COL23A1: variants seen among roughly 807,000 people sequenced by gnomAD.
COL23A1 encodes collagen type XXIII alpha 1 chain.
A neutral mutation model predicts 99.3 loss-of-function variants in COL23A1; 97 were observed. That is an observed-to-expected ratio of 0.98 (90% CI 0.83 to 1.16). The LOEUF is 1.16. Ranked by LOEUF, COL23A1 falls within the 50% of genes most tolerant of loss-of-function variation. COL23A1 has a pLI of 0.00. For synonymous variants in COL23A1, 320 were observed against 308.2 expected (o/e 1.04, Z -0.40); for missense variants, 762 against 757.4 (o/e 1.01, Z -0.07).
At position 178,406,034 on chromosome 5, in the gene COL23A1, C is replaced by T. The variant is rs532258123; in HGVS notation, c.362-99115G>A. ...AGGAGAATCCCTTGAACCTGGGAGG[C>T]GGAGGCTGCAGTGAGCTGAGATTGC... On this transcript the variant is annotated intron_variant, in intron 2 of 28. Coordinates refer to ENST00000390654, the MANE Select transcript of COL23A1 (RefSeq NM_173465.4). Among the ~76,000 whole-genome samples the T allele has an allele frequency of 4.6e-5, 7 of 152,192 alleles. No individual in the cohort carries two copies. The South Asian group carries it at 8.3e-4, about 18-fold the overall frequency.
At chr5:178,379,070 T>C (rs1031161390) in intron 2 of COL23A1, among the ~76,000 whole-genome samples, 32 of 152,182 alleles carry the variant, frequency 2.1e-4, no homozygotes, top group African/African-American at 6.5e-4. Flanking sequence ...TGTCTGGTTA[T>C]GGGAGCTGCC....
chr5:178,532,372 C>T (rs72810612), intron 2 of COL23A1, among the ~76,000 whole-genome samples: 1 of 152,262 alleles, frequency 6.6e-6, no homozygotes, highest in Non-Finnish European at 1.5e-5. Context: ...AAGGGAGCAG[C>T]AGAACTGTCC....
In COL23A1 at chr5:178,544,351, C is replaced by A. The variant is rs535858; in HGVS notation, c.361+16331G>T. 0.2 allele frequency among the ~76,000 whole-genome samples: 30,391 copies of A among 152,112 alleles called. 3,706 individuals carry two copies. The highest frequency in any genetic ancestry group is 0.35 in the Middle Eastern group (102 of 294). ...TCCCAAGGCGGGGAAGGCAAGTCGG[C>A]GGATGCGCACTTCAGGGAGGACGCA... On this transcript the variant is annotated intron_variant, in intron 2 of 28. Transcript: ENST00000390654. This position sits in a 1 kb window ranked among gnomAD's most constrained non-coding sequence, Gnocchi z 4.4.
chr5:178,332,552 GA>G (rs1458260323), intron 2 of COL23A1, among the ~76,000 whole-genome samples: 10 of 152,088 alleles, frequency 6.6e-5, no homozygotes, highest in Admixed American at 6.6e-4. Flanking sequence ...TAAATCCTGA[GA>G]AACTCCTTCA....
chr5:178,428,371 G>C lies in COL23A1; in HGVS notation c.362-121452C>G, dbSNP rs1488372252. ...ACCATGGAGCCAGCTCTTTGCACGA[G>C]GAGGAGCCTTCCTGGATCAAAACCT... On this transcript the variant is annotated intron_variant, in intron 2 of 28. Transcript: ENST00000390654. This position sits in a 1 kb window ranked among gnomAD's most constrained non-coding sequence, Gnocchi z 5.0. Among the ~76,000 whole-genome samples the C allele has an allele frequency of 1.3e-5, 2 of 152,228 alleles. No individual in the cohort carries two copies. The highest frequency in any genetic ancestry group is 3.9e-4 in the East Asian group (2 of 5,190).
At chr5:178,585,313 C>G (rs1294867215) in intron 1 of COL23A1, among the ~76,000 whole-genome samples, 5 of 150,264 alleles carry the variant, frequency 3.3e-5, no homozygotes, top group East Asian at 2.0e-4. Context: ...ACGGCTGACC[C>G]TGGGGTAACA....
chr5:178,535,175 T>C lies in COL23A1; in HGVS notation c.361+25507A>G, dbSNP rs183548008. On this transcript the variant is annotated intron_variant, in intron 2 of 28. Transcript: ENST00000390654. ...TTTTAGCAGAGACAGGGTTTCACCA[T>C]GTTGACCACGTTGGTCTCAAACTCC... Among the ~76,000 whole-genome samples the C allele has an allele frequency of 1.6e-4, 24 of 152,208 alleles. No homozygotes were observed. The South Asian group carries it at 1.7e-3, about 11-fold the overall frequency.
intron 3 of COL23A1, among the ~76,000 whole-genome samples, chr5:178,303,191 G>A (rs1404127204): frequency 6.6e-6 from 1 of 152,056 alleles, no homozygotes; most frequent in Non-Finnish European, 1.5e-5. Context: ...GTAGAGATGG[G>A]GTTTCACCAT....
rs144247025 is a variant in COL23A1 at position 178,304,905 on chromosome 5, C to T, written c.406+1970G>A. 1.1e-3 allele frequency among the ~76,000 whole-genome samples: 160 copies of T among 152,280 alleles called. 2 individuals are homozygous for T. The East Asian group carries it at 0.029, about 27-fold the overall frequency. On this transcript the variant is annotated intron_variant, in intron 3 of 28. Transcript: ENST00000390654. The stretch of plus-strand genomic sequence containing the variant: ...ATAAAGGACTTGAAAGAGCCCAGCA[C>T]GGGGCCACGGACCCAGTGAGTCTAT...
At chr5:178,372,590 C>G (rs1762856969) in intron 2 of COL23A1, among the ~76,000 whole-genome samples, 1 of 152,064 alleles carries the variant, frequency 6.6e-6, no homozygotes, top group South Asian at 2.1e-4. Context: ...TTTCCTTTTT[C>G]CAGACAAAGT....
intron 1 of COL23A1, among the ~76,000 whole-genome samples, chr5:178,566,400 G>A (rs922899896): frequency 2.6e-5 from 4 of 152,210 alleles, no homozygotes; most frequent in South Asian, 2.1e-4. Flanking sequence ...TCAGGATGCT[G>A]GAGAAACCCA....
intron 2 of COL23A1, among the ~76,000 whole-genome samples, chr5:178,326,417 A>T (rs1241916592): frequency 2.0e-5 from 3 of 151,626 alleles, no homozygotes; most frequent in Non-Finnish European, 2.9e-5. Context: ...GAACATTTAA[A>T]AAAAAAAAAA....
chr5:178,585,914 C>G (rs972414450), intron 1 of COL23A1, among the ~76,000 whole-genome samples: 1 of 152,230 alleles, frequency 6.6e-6, no homozygotes, highest in African/African-American at 2.4e-5. Flanking sequence ...ACCCTGTGAC[C>G]TAGCTCTGGC....
intron 2 of COL23A1, among the ~76,000 whole-genome samples, chr5:178,339,675 G>A (rs1269871176): frequency 6.6e-6 from 1 of 152,232 alleles, no homozygotes; most frequent in African/African-American, 2.4e-5. Flanking sequence ...ATGAGTGGGG[G>A]GACGTGAATC....
At chr5:178,469,271 C>T (rs986299566) in intron 2 of COL23A1, among the ~76,000 whole-genome samples, 2 of 152,082 alleles carry the variant, frequency 1.3e-5, no homozygotes, top group Non-Finnish European at 2.9e-5. Context: ...TAGGAGGGGA[C>T]GAATTCCTAA....
rs1764705995 is a variant in COL23A1 at position 178,246,528 on chromosome 5, C to A, written c.1297-75G>T. The A allele has an allele frequency of 1.3e-5, 18 of 1,437,628 alleles. 1 individual carries two copies. In the Middle Eastern group the frequency reaches 7.0e-4, roughly 56 times the overall value. The allele number at this position is 1,437,628 out of a possible 1,614,324, so 89.1% of individuals were successfully genotyped here. On this transcript the variant is annotated intron_variant, in intron 22 of 28. Transcript: ENST00000390654. ...GTAGGACAGGCAAGCTTGGAGACTGCAAGGGAGCTGGGATGTGGACAGAGG... is the reference window on the plus strand; with the variant it reads ...GTAGGACAGGCAAGCTTGGAGACTGAAAGGGAGCTGGGATGTGGACAGAGG...
At position 178,358,232 on chromosome 5, in the gene COL23A1, A is replaced by G. The variant is rs558456240; in HGVS notation, c.362-51313T>C. Among the ~76,000 whole-genome samples the G allele has an allele frequency of 1.9e-3, 149 of 77,560 alleles. 1 individual carries two copies. Among genetic ancestry groups the G allele is most frequent in the African/African-American group, 5.5e-3 (117 of 21,144 alleles). The allele number at this position is 77,560 out of a possible 152,430, so 50.9% of individuals were successfully genotyped here. Reference sequence around the variant, plus strand: ...GTGTGTATGTGTGTCTAATGTGTGTATGTGTGTATGTGTATGTGTGTGTAT... The same window carrying G: ...GTGTGTATGTGTGTCTAATGTGTGTGTGTGTGTATGTGTATGTGTGTGTAT... On this transcript the variant is annotated intron_variant, in intron 2 of 28. Transcript: ENST00000390654.
intron 2 of COL23A1, among the ~76,000 whole-genome samples, chr5:178,451,656 C>CAAA (rs5873614): frequency 0.014 from 1,467 of 105,228 alleles, 52 homozygotes; most frequent in African/African-American, 0.045. Flanking sequence ...AACTCCATCT[C>CAAA]AAAAAAAAAA....
At chr5:178,282,808 C>G (rs988293411) in intron 5 of COL23A1, among the ~76,000 whole-genome samples, 2 of 152,144 alleles carry the variant, frequency 1.3e-5, no homozygotes, top group Admixed American at 6.5e-5. Context: ...AAAGGAAGCA[C>G]CATGAGTGGG....
Sources: gnomAD v4.1 joint callset for allele counts (sites outside exome capture counted in the v4.1 genomes callset) on GRCh38, gnomAD v4.1.1 for gene constraint, Gnocchi (gnomAD v3.1) non-coding constraint, MANE v1.5 for transcripts, NCBI Gene and HGNC (gene_info 2026-07-23, HGNC 2026-07-21) for gene names.